DSCAM: variants seen among roughly 807,000 people sequenced by gnomAD.
DSCAM encodes the protein cell adhesion molecule DSCAM.
Under a neutral mutation model 217.7 loss-of-function variants are expected in DSCAM, and 47 were observed. That is an observed-to-expected ratio of 0.22 (90% confidence interval 0.17 to 0.28). DSCAM has a LOEUF of 0.28. DSCAM is among the 10% of genes least tolerant of loss of function. DSCAM has a pLI of 1.00. For synonymous variants in DSCAM, 1,056 were observed against 1,015.3 expected (o/e 1.04, Z -0.76); for missense variants, 2,080 against 2,618.3 (o/e 0.79, Z 4.49).
intron 32 of DSCAM, among the ~76,000 whole-genome samples, chr21:40,023,697 C>T (rs1169583890): frequency 7.7e-4 from 52 of 67,276 alleles, no homozygotes; most frequent in African/African-American, 3.0e-3. Context: ...TGTCCTTCAC[C>T]CACTTTTCGA....
chr21:40,536,804 C>A (rs947774949), intron 3 of DSCAM, among the ~76,000 whole-genome samples: 1 of 152,042 alleles, frequency 6.6e-6, no homozygotes, highest in Non-Finnish European at 1.5e-5. Context: ...TTTTGGGATG[C>A]GTAAAGAGGA....
intron 3 of DSCAM, among the ~76,000 whole-genome samples, chr21:40,431,017 G>A (rs1446508551): frequency 2.6e-5 from 4 of 152,202 alleles, no homozygotes; most frequent in Non-Finnish European, 4.4e-5. Context: ...CCAGCAATTC[G>A]AAAAGCAAAG....
At chr21:40,819,526 T>A (rs1601307661) in intron 1 of DSCAM, among the ~76,000 whole-genome samples, 1 of 152,244 alleles carries the variant, frequency 6.6e-6, no homozygotes, top group Admixed American at 6.5e-5. Flanking sequence ...AGGAACATAA[T>A]GCTAATGCCA....
chr21:40,529,287 G>A (rs1203859893), intron 3 of DSCAM, among the ~76,000 whole-genome samples: 2 of 152,092 alleles, frequency 1.3e-5, no homozygotes, highest in Non-Finnish European at 2.9e-5. Flanking sequence ...TGATCACTGT[G>A]CTCTCCAGTG....
At chr21:40,249,559 G>A (rs371475976) in intron 11 of DSCAM, among the ~76,000 whole-genome samples, 177 of 152,210 alleles carry the variant, frequency 1.2e-3, no homozygotes, top group Non-Finnish European at 2.1e-3. Context: ...ATACATTAGC[G>A]TAGAAATATA....
chr21:40,302,870 G>A (rs1250168973), intron 9 of DSCAM, among the ~76,000 whole-genome samples: 3 of 152,052 alleles, frequency 2.0e-5, no homozygotes, highest in African/African-American at 4.8e-5. Context: ...GTGGGGGGTG[G>A]ATTACTTCTG....
At chr21:40,290,222 G>A (rs1426617046) in intron 10 of DSCAM, among the ~76,000 whole-genome samples, 5 of 152,076 alleles carry the variant, frequency 3.3e-5, no homozygotes, top group Non-Finnish European at 5.9e-5. Context: ...ACAATTCATG[G>A]GAAAAATATT....
chr21:40,837,041 T>G (rs909337626), intron 1 of DSCAM, among the ~76,000 whole-genome samples: 3 of 152,222 alleles, frequency 2.0e-5, no homozygotes, highest in East Asian at 3.9e-4. Flanking sequence ...ACCAGTGTCC[T>G]CGATCCTTAC....
intron 3 of DSCAM, among the ~76,000 whole-genome samples, chr21:40,370,344 C>A (rs1372684634): frequency 1.3e-5 from 2 of 151,250 alleles, no homozygotes; most frequent in Non-Finnish European, 2.9e-5. Context: ...TTAGACTCTT[C>A]TATGGGCTAT....
At chr21:40,618,299 G>C (rs147668716) in intron 3 of DSCAM, among the ~76,000 whole-genome samples, 40 of 152,312 alleles carry the variant, frequency 2.6e-4, no homozygotes, top group African/African-American at 8.9e-4. Flanking sequence ...CCACTGATGA[G>C]CTCTCCGTGG....
chr21:40,210,208 C>T (rs1458422286), intron 11 of DSCAM, among the ~76,000 whole-genome samples: 1 of 152,194 alleles, frequency 6.6e-6, no homozygotes, highest in African/African-American at 2.4e-5. Context: ...GATTTCATTC[C>T]ACCTTCCAGG....
At chr21:40,178,069 T>C (rs1304022643) in intron 15 of DSCAM, among the ~76,000 whole-genome samples, 1 of 152,218 alleles carries the variant, frequency 6.6e-6, no homozygotes, top group Non-Finnish European at 1.5e-5. Context: ...GGGCCAGGCA[T>C]GCAATCCTTG....
At position 40,590,987 on chromosome 21, in the gene DSCAM, C is replaced by T. The variant is rs201345950; in HGVS notation, c.508+101823G>A. 3.9e-5 allele frequency among the ~76,000 whole-genome samples: 6 copies of T among 152,146 alleles called. No individual in the cohort carries two copies. In the East Asian group the frequency reaches 1.2e-3, roughly 29 times the overall value. ...AAAATCTCATCTTGAATTGTAATCC[C>T]CATTATCCCCATAATCCCCATGTGT... On this transcript the variant is annotated intron_variant, in intron 3 of 32. Transcript: ENST00000400454.
chr21:40,264,714 A>G (rs530154330), intron 11 of DSCAM, among the ~76,000 whole-genome samples: 1 of 152,342 alleles, frequency 6.6e-6, no homozygotes, highest in East Asian at 1.9e-4. Context: ...AGAAATCAGG[A>G]AAGAGAAAGA....
At position 40,011,914 on chromosome 21, in the gene DSCAM, G is replaced by GTGCACAC. The variant is rs2088062555; in HGVS notation, c.*1119_*1120insGTGTGCA. Reference sequence around the variant, plus strand: ...GCTACATTTCAGACTCCAGAGCACGGGTCTGGCAAATGTTTCCTGTAATGG... The same window carrying GTGCACAC: ...GCTACATTTCAGACTCCAGAGCACGGTGCACACGTCTGGCAAATGTTTCCTGTAATGG... On this transcript the variant is annotated 3_prime_UTR_variant, in exon 33 of 33. Coordinates refer to ENST00000400454, the MANE Select transcript of DSCAM (RefSeq NM_001389.5). 3 of 152,142 alleles carry GTGCACAC rather than the reference G, an allele frequency of 2.0e-5. No homozygotes were observed. Among genetic ancestry groups the GTGCACAC allele is most frequent in the Non-Finnish European group, 4.4e-5 (3 of 68,034 alleles). 9.4% of individuals were successfully genotyped at this position (152,142 alleles called of 1,614,324 possible).
intron 3 of DSCAM, among the ~76,000 whole-genome samples, chr21:40,540,578 A>G (rs930576041): frequency 6.6e-6 from 1 of 152,172 alleles, no homozygotes; most frequent in Admixed American, 6.5e-5. Context: ...GCAACAAACA[A>G]AACTTCCTAG....
chr21:40,291,469 A>G (rs1169200401), intron 10 of DSCAM, among the ~76,000 whole-genome samples: 1 of 152,228 alleles, frequency 6.6e-6, no homozygotes, highest in East Asian at 1.9e-4. Context: ...GGTCCTTACA[A>G]TGACTGATGG....
chr21:40,099,762 T>C (rs2089726588), intron 20 of DSCAM, among the ~76,000 whole-genome samples: 1 of 152,236 alleles, frequency 6.6e-6, no homozygotes, highest in South Asian at 2.1e-4. Flanking sequence ...TCTCATGTTT[T>C]GCCAGTCATC....
intron 2 of DSCAM, among the ~76,000 whole-genome samples, chr21:40,704,456 T>G (rs1307397404): frequency 6.6e-6 from 1 of 152,246 alleles, no homozygotes; most frequent in Non-Finnish European, 1.5e-5. Flanking sequence ...GGCTCATTCC[T>G]GTAATCCCAA....
Sources: gnomAD v4.1 joint callset for allele counts (sites outside exome capture counted in the v4.1 genomes callset) on GRCh38, gnomAD v4.1.1 for gene constraint, MANE v1.5 for transcripts, NCBI Gene and HGNC (gene_info 2026-07-23, HGNC 2026-07-21) for gene names.